FILIP1: variants seen among roughly 807,000 people sequenced by gnomAD.
FILIP1 encodes the protein filamin-A-interacting protein 1.
A neutral mutation model predicts 102.1 loss-of-function variants in FILIP1; 61 were observed. That is an observed-to-expected ratio of 0.60 (90% confidence interval 0.49 to 0.74). FILIP1 has a LOEUF of 0.74. Ranked by LOEUF, FILIP1 falls within the 30% of genes least tolerant of loss-of-function variation. FILIP1 has a pLI of 0.00. For missense variants in FILIP1, 1,314 were observed against 1,441.2 expected, an observed-to-expected ratio of 0.91 and a Z score of 1.43; for synonymous variants, 491 against 526.9, an observed-to-expected ratio of 0.93 and a Z score of 0.93.
chr6:75,313,226 C>A lies in FILIP1; in HGVS notation c.2606G>T (p.Trp869Leu). ...AANELTMRKSWIPWMRKRENG... is the reference protein window; with the variant it reads ...AANELTMRKSLIPWMRKRENG... The stretch of plus-strand genomic sequence containing the variant: ...TTCCCTCTTTCTCATCCATGGAATC[C>A]AAGACTTTCTCATAGTGAGCTCATT... Residue 869 changes from tryptophan (W) to leucine (L), a missense_variant, in exon 5 of 6, where the codon TGG becomes TTG. Transcript: ENST00000237172. The surrounding 1 kb of genome is among the most constrained non-coding windows in gnomAD (Gnocchi z 4.2). 1 of 1,614,148 alleles carries A rather than the reference C, an allele frequency of 6.2e-7. No homozygotes were observed. The highest frequency in any genetic ancestry group is 2.2e-5 in the East Asian group (1 of 44,882).
chr6:75,425,233 A>C (rs1777591462), intron 1 of FILIP1, among the ~76,000 whole-genome samples: 1 of 152,176 alleles, frequency 6.6e-6, no homozygotes, highest in Admixed American at 6.5e-5. Context: ...GATGTTTATC[A>C]CTCTGAATAC....
chr6:75,365,365 T>TTG (rs72556245), intron 2 of FILIP1, among the ~76,000 whole-genome samples: 1 of 16,232 alleles, frequency 6.2e-5, no homozygotes, highest in Admixed American at 4.8e-4. Flanking sequence ...TGTTTTTCTG[T>TTG]TTTTTGTTTT....
chr6:75,479,700 C>G (rs1489512321), intron 1 of FILIP1, among the ~76,000 whole-genome samples: 2 of 151,540 alleles, frequency 1.3e-5, no homozygotes, highest in African/African-American at 4.8e-5. Context: ...GAAACCCAAT[C>G]TCTACTAATA....
At chr6:75,413,451 G>A (rs1482986495) in intron 2 of FILIP1, among the ~76,000 whole-genome samples, 1 of 152,108 alleles carries the variant, frequency 6.6e-6, no homozygotes, top group Non-Finnish European at 1.5e-5. Context: ...ATTTTTCTCA[G>A]TCTGTAAATG....
chr6:75,354,464 G>A (rs970640133), intron 3 of FILIP1, among the ~76,000 whole-genome samples: 13 of 151,730 alleles, frequency 8.6e-5, no homozygotes, highest in South Asian at 4.2e-4. Flanking sequence ...CCAGCTACTC[G>A]GGAGGCTGAG....
At chr6:75,463,464 T>C (rs1338206058) in intron 1 of FILIP1, among the ~76,000 whole-genome samples, 1 of 152,204 alleles carries the variant, frequency 6.6e-6, no homozygotes, top group East Asian at 1.9e-4. Context: ...TCTTTTCTTT[T>C]ACATAAATAT....
intron 4 of FILIP1, among the ~76,000 whole-genome samples, chr6:75,337,921 T>C (rs953172886): frequency 3.3e-5 from 5 of 152,164 alleles, no homozygotes; most frequent in Non-Finnish European, 7.4e-5. Flanking sequence ...ACAGGTTTTT[T>C]ACAGAAGTTG....
chr6:75,452,654 A>G (rs2149737404), intron 1 of FILIP1, among the ~76,000 whole-genome samples: 1 of 152,344 alleles, frequency 6.6e-6, no homozygotes, highest in South Asian at 2.1e-4. Context: ...TACACAGAAG[A>G]TAAGAATTAG....
intron 4 of FILIP1, among the ~76,000 whole-genome samples, chr6:75,326,010 T>A (rs1265027022): frequency 6.6e-6 from 1 of 152,106 alleles, no homozygotes; most frequent in Non-Finnish European, 1.5e-5. Context: ...CCAGCCTGAA[T>A]GCCCATCAAC....
chr6:75,395,980 T>C (rs183819021), intron 2 of FILIP1, among the ~76,000 whole-genome samples: 329 of 151,898 alleles, frequency 2.2e-3, no homozygotes, highest in Non-Finnish European at 4.0e-3. Flanking sequence ...AAAAATAAAG[T>C]AGGACAAAAA....
In FILIP1 at chr6:75,464,433, C is replaced by T. The variant is rs148800942; in HGVS notation, c.-7+28981G>A. Among the ~76,000 whole-genome samples the T allele has an allele frequency of 2.0e-3, 300 of 152,324 alleles. 3 individuals are homozygous for T. The highest frequency in any genetic ancestry group is 6.9e-3 in the African/African-American group (288 of 41,574). On this transcript the variant is annotated intron_variant, in intron 1 of 5. Coordinates refer to ENST00000237172, the MANE Select transcript of FILIP1 (RefSeq NM_015687.5). ...GAAAATCACAGAAAAACTCTGCACACTAAACATCAATGTATGCAGGAAATA... is the reference window on the plus strand; with the variant it reads ...GAAAATCACAGAAAAACTCTGCACATTAAACATCAATGTATGCAGGAAATA...
chr6:75,372,671 AAGAAAGAAAGAAAG>A (rs1562514551), intron 2 of FILIP1, among the ~76,000 whole-genome samples: 16 of 65,498 alleles, frequency 2.4e-4, no homozygotes, highest in Admixed American at 8.7e-4. Context: ...GAAAGAAAGA[AAGAAAGAAAGAAAG>A]AGAAAGAAAG....
chr6:75,450,553 A>T (rs1778593193), intron 1 of FILIP1, among the ~76,000 whole-genome samples: 1 of 150,846 alleles, frequency 6.6e-6, no homozygotes, highest in Admixed American at 6.6e-5. Context: ...GGAGGCTGGG[A>T]TGAGAGGATT....
At chr6:75,340,031 G>A (rs1774370312) in intron 4 of FILIP1, among the ~76,000 whole-genome samples, 1 of 151,896 alleles carries the variant, frequency 6.6e-6, no homozygotes, top group Admixed American at 6.6e-5. Flanking sequence ...CAAATTTATA[G>A]AAATATAGCA....
downstream of FILIP1, among the ~76,000 whole-genome samples, chr6:75,303,885 GA>G (rs1409625556): frequency 6.6e-6 from 1 of 152,004 alleles, no homozygotes; most frequent in African/African-American, 2.4e-5. Context: ...GGGAAACAGA[GA>G]ACTCAACATA....
chr6:75,333,260 G>T (rs1774137993), intron 4 of FILIP1, among the ~76,000 whole-genome samples: 1 of 151,598 alleles, frequency 6.6e-6, no homozygotes, highest in East Asian at 1.9e-4. Flanking sequence ...AATTTTTTTT[G>T]AATTATTATG....
At chr6:75,421,672 T>C (rs1582479542) in intron 1 of FILIP1, among the ~76,000 whole-genome samples, 2 of 152,206 alleles carry the variant, frequency 1.3e-5, no homozygotes, top group African/African-American at 4.8e-5. Context: ...CTAGTTTGTA[T>C]CACCCATTTA....
chr6:75,411,708 C>G (rs533703127), intron 2 of FILIP1, among the ~76,000 whole-genome samples: 1 of 152,228 alleles, frequency 6.6e-6, no homozygotes, highest in East Asian at 1.9e-4. Context: ...TCAGGTTTGT[C>G]AAAGATCAGA....
chr6:75,472,884 G>A (rs540812942), intron 1 of FILIP1, among the ~76,000 whole-genome samples: 26 of 152,116 alleles, frequency 1.7e-4, no homozygotes, highest in South Asian at 6.2e-4. Context: ...TAAATATTAC[G>A]TCTTCCAAAA....
Sources: gnomAD v4.1 joint callset for allele counts (sites outside exome capture counted in the v4.1 genomes callset) on GRCh38, gnomAD v4.1.1 for gene constraint, Gnocchi (gnomAD v3.1) non-coding constraint, MANE v1.5 for transcripts, NCBI Gene and HGNC (gene_info 2026-07-23, HGNC 2026-07-21) for gene names.